EDEM2: variants seen among roughly 807,000 people sequenced by gnomAD.
EDEM2 encodes ER degradation enhancing alpha-mannosidase like protein 2.
EDEM2 carries 39 observed loss-of-function variants against 64.8 expected under a neutral mutation model. That is an observed-to-expected ratio of 0.60 (90% CI 0.47 to 0.79). EDEM2 has a LOEUF of 0.79. Among genes scored for constraint, EDEM2 ranks in the 30% least tolerant of loss-of-function variants. The probability of loss-of-function intolerance (pLI) is 0.00; values close to 1 mark genes in which losing one functional copy is unlikely to be tolerated. For synonymous variants in EDEM2, 296 were observed against 291.5 expected (o/e 1.02, Z -0.16); for missense variants, 609 against 731.3 (o/e 0.83, Z 1.93).
chr20:35,126,166 A>G (rs752247086), intron 8 of EDEM2, 85 bp downstream of exon 8: 269 of 1,537,376 alleles, frequency 1.7e-4, no homozygotes, highest in Non-Finnish European at 1.6e-4. Context: ...GCAATTAACA[A>G]AGTACATTAT....
intron 4 of EDEM2, among the ~76,000 whole-genome samples, chr20:35,141,216 T>C (rs1383851329): frequency 6.8e-6 from 1 of 146,440 alleles, no homozygotes; most frequent in Admixed American, 6.9e-5. Context: ...TAAATGTAAA[T>C]GGATTAAATG....
intron 7 of EDEM2, among the ~76,000 whole-genome samples, chr20:35,129,645 G>A (rs559653028): frequency 6.6e-6 from 1 of 152,108 alleles, no homozygotes; most frequent in East Asian, 1.9e-4. Context: ...TAAGTGTACA[G>A]TATTTATAAA....
rs150823659 is a variant in EDEM2, at chr20:35,122,926, G to A, written c.1114+964C>T. Among the ~76,000 whole-genome samples, 198 of 152,258 alleles carry A rather than the reference G, an allele frequency of 1.3e-3. 1 individual carries two copies. The highest frequency in any genetic ancestry group is 4.5e-3 in the African/African-American group (185 of 41,554). On this transcript the variant is annotated intron_variant, in intron 9 of 10. Coordinates refer to ENST00000374492, the MANE Select transcript of EDEM2 (RefSeq NM_018217.3). The stretch of plus-strand genomic sequence containing the variant: ...AAGTGGGAAGTGTCTAAGACAATGG[G>A]CTCATAGCCTGTTTTGGGGTGGGGG...
intron 5 of EDEM2, among the ~76,000 whole-genome samples, chr20:35,136,628 C>T (rs937554230): frequency 3.3e-5 from 5 of 151,952 alleles, no homozygotes; most frequent in African/African-American, 1.2e-4. Context: ...TGGCATCTGC[C>T]TGTAATCCCA....
intron 9 of EDEM2, 69 bp from the exon 10 acceptor site, chr20:35,118,788 C>A: frequency 6.3e-7 from 1 of 1,590,430 alleles, no homozygotes; most frequent in Non-Finnish European, 8.6e-7. Context: ...CTCTTAGGGC[C>A]GTGAGGGACT....
rs2085667583 is a variant in EDEM2 at position 35,142,384 on chromosome 20, G to A, written c.353C>T (p.Thr118Ile). ...AGAGCAGCCCTTACCTCGAATGTTT[G>A]TTTCAAACACAGAGGCGTTCACATC... ...DIDVNASVFETNIRVVGGLLS... is the reference protein window; with the variant it reads ...DIDVNASVFEINIRVVGGLLS... Residue 118 changes from threonine to isoleucine, a missense_variant, in exon 4 of 11, where the codon ACA becomes ATA. Physicochemically the swap from Thr to Ile is moderately conservative, Grantham distance 89. Coordinates refer to ENST00000374492, the MANE Select transcript of EDEM2 (RefSeq NM_018217.3). 2.5e-6 allele frequency: 4 copies of A among 1,613,318 alleles called. No individual in the cohort carries two copies. The highest frequency in any genetic ancestry group is 3.4e-6 in the Non-Finnish European group (4 of 1,179,522).
chr20:35,119,182 AT>A (rs926980315), intron 9 of EDEM2, among the ~76,000 whole-genome samples: 1 of 152,076 alleles, frequency 6.6e-6, no homozygotes, highest in Non-Finnish European at 1.5e-5. Flanking sequence ...TTAAGCTACT[AT>A]TTTTTTTCCT....
At chr20:35,140,670 T>C (rs2146112531) in intron 4 of EDEM2, among the ~76,000 whole-genome samples, 1 of 152,344 alleles carries the variant, frequency 6.6e-6, no homozygotes, top group East Asian at 1.9e-4. Flanking sequence ...TCATTAAATT[T>C]AGACTTTGAT....
intron 5 of EDEM2, among the ~76,000 whole-genome samples, chr20:35,136,950 G>GCC (rs1569181076): frequency 8.5e-5 from 13 of 152,108 alleles, no homozygotes; most frequent in African/African-American, 3.1e-4. Flanking sequence ...AAACATGGAG[G>GCC]CTTGACCTGC....
chr20:35,117,510 G>A (rs563389050), intron 10 of EDEM2, among the ~76,000 whole-genome samples: 4 of 152,216 alleles, frequency 2.6e-5, no homozygotes, highest in Non-Finnish European at 4.4e-5. Flanking sequence ...GCCCCAGTGG[G>A]CTTATCATTT....
At position 35,115,792 on chromosome 20, in the gene EDEM2, G is replaced by C. The variant is rs747939786; in HGVS notation, c.1378C>G (p.Pro460Ala). The change falls in exon 11 of 11, where the codon CCC becomes GCC. Residue 460 changes from proline to alanine, a missense_variant. By Grantham distance (27) the Pro-to-Ala change is conservative. Transcript: ENST00000374492. ...NGSTFDAVIT[P>A]YGECILGAGG... ...GCCCCCAGGATGCACTCCCCATAGG[G>C]GGTGATCACCGCGTCGAAGGTGGAC... The C allele has an allele frequency of 6.2e-7, 1 of 1,614,144 alleles. No homozygotes were observed. The highest frequency in any genetic ancestry group is 1.1e-5 in the South Asian group (1 of 91,080).
rs569393034 is a variant in EDEM2, at chr20:35,143,317, A to G, written c.259-839T>C. ...TCTGTTTTCTTAATACCAAGGGACA[A>G]ACACAGCTAACATGGCTTTTAGTCT... On this transcript the variant is annotated intron_variant, in intron 3 of 10. Coordinates refer to ENST00000374492, the MANE Select transcript of EDEM2 (RefSeq NM_018217.3). Among the ~76,000 whole-genome samples, 14 of 152,252 alleles carry G rather than the reference A, an allele frequency of 9.2e-5. No individual in the cohort carries two copies. The South Asian group carries it at 2.9e-3, about 32-fold the overall frequency.
Position 35,118,652 on chromosome 20 carries a change from T to G in EDEM2, c.1182A>C (p.Arg394Ser). ...TGDPTLLELG[R>S]DAVESIEKIS... ...TTTTTTCAATGGATTCCACAGCATC[T>G]CTTCCGAGTTCTAGGAGGGTGGGAT... Residue 394 changes from arginine to serine, a missense_variant, in exon 10 of 11, where the codon AGA becomes AGC. By Grantham distance (110) the Arg-to-Ser change is moderately radical. Coordinates refer to ENST00000374492, the MANE Select transcript of EDEM2 (RefSeq NM_018217.3). 1 of 1,613,848 alleles carries G rather than the reference T, an allele frequency of 6.2e-7. No individual in the cohort carries two copies. The highest frequency in any genetic ancestry group is 1.1e-5 in the South Asian group (1 of 91,072).
chr20:35,126,513 G>A (rs2085435176), intron 7 of EDEM2, 138 bp from the exon 8 acceptor site: 2 of 1,047,294 alleles, frequency 1.9e-6, no homozygotes, highest in Non-Finnish European at 2.8e-6. Flanking sequence ...ACAAGAGCAT[G>A]GATTCTGGAG....
chr20:35,132,882 G>T (rs1179026495), intron 6 of EDEM2, among the ~76,000 whole-genome samples: 1 of 152,064 alleles, frequency 6.6e-6, no homozygotes, highest in Non-Finnish European at 1.5e-5. Flanking sequence ...ATGGAAGCTG[G>T]TAACTTCATC....
At chr20:35,121,782 T>C (rs910043668) in intron 9 of EDEM2, among the ~76,000 whole-genome samples, 1 of 137,086 alleles carries the variant, frequency 7.3e-6, no homozygotes, top group African/African-American at 2.8e-5. Context: ...CCTGGATTCC[T>C]GACAGCGGTG....
intron 6 of EDEM2, chr20:35,134,186 A>G (rs1471144176): frequency 4.4e-6 from 2 of 453,622 alleles, no homozygotes; most frequent in Admixed American, 4.8e-5. Context: ...CTGGTGTTAA[A>G]TAAGTTTGGG....
chr20:35,118,274 C>T (rs1189460206), intron 10 of EDEM2, among the ~76,000 whole-genome samples: 1 of 152,134 alleles, frequency 6.6e-6, no homozygotes, highest in Non-Finnish European at 1.5e-5. Context: ...TAGTGTCTCA[C>T]AAAACTTTTC....
intron 5 of EDEM2, among the ~76,000 whole-genome samples, chr20:35,135,889 C>A (rs1257267751): frequency 6.6e-6 from 1 of 152,164 alleles, no homozygotes; most frequent in South Asian, 2.1e-4. Flanking sequence ...GGAACGCCTC[C>A]CCTGTGCCCA....
Sources: gnomAD v4.1 joint callset for allele counts (sites outside exome capture counted in the v4.1 genomes callset) on GRCh38, gnomAD v4.1.1 for gene constraint, MANE v1.5 for transcripts, NCBI Gene and HGNC (gene_info 2026-07-23, HGNC 2026-07-21) for gene names.